The following TMEM201 variants were observed in gnomAD, a reference collection of about 807,000 sequenced individuals.
The protein encoded by TMEM201 is transmembrane protein 201.
In TMEM201, 26 loss-of-function variants were observed where a neutral mutation model predicts 63.4. The observed-to-expected ratio is 0.41, with a 90% CI of 0.30 to 0.57. The LOEUF is 0.57. Ranked by LOEUF, TMEM201 falls within the 20% of genes least tolerant of loss-of-function variation. The probability of loss-of-function intolerance (pLI) is 0.29; values close to 1 mark genes in which losing one functional copy is unlikely to be tolerated. For missense variants in TMEM201, 794 were observed against 917.7 expected, an observed-to-expected ratio of 0.87 and a Z score of 1.74; for synonymous variants, 417 against 421.6, an observed-to-expected ratio of 0.99 and a Z score of 0.14.
chr1:9,599,472 C>G (rs1644093805), intron 4 of TMEM201, among the ~76,000 whole-genome samples: 5 of 152,182 alleles, frequency 3.3e-5, no homozygotes, highest in Middle Eastern at 3.4e-3. Context: ...GTCTTGAACT[C>G]TTGAACTCCT....
intron 1 of TMEM201, among the ~76,000 whole-genome samples, chr1:9,595,530 G>A (rs976607899): frequency 6.6e-6 from 1 of 152,146 alleles, no homozygotes; most frequent in Non-Finnish European, 1.5e-5. Context: ...TGTGCTCCAT[G>A]TGTGAGCCCC....
rs923717535 is a variant in TMEM201 at position 9,607,523 on chromosome 1, CTCT to C, written c.1161-29_1161-27del. 9.3e-6 allele frequency: 14 copies of C among 1,511,598 alleles called. No individual in the cohort carries two copies. The African/African-American group carries it at 1.8e-4, about 19-fold the overall frequency. 93.6% of individuals were successfully genotyped at this position (1,511,598 alleles called of 1,614,324 possible). A position where few individuals can be genotyped will look rare whatever the true frequency, so the allele number is the denominator to read the frequency against. On this transcript the variant is annotated intron_variant, in intron 6 of 10. Transcript: ENST00000340381. This position sits in a 1 kb window ranked among gnomAD's most constrained non-coding sequence, Gnocchi z 5.4. ...CTGCCTCCAGGACCTCCCGCTGACCCTCTTCTTGTCCCGTGCCTGACGGGCCCT... is the reference window on the plus strand; with the variant it reads ...CTGCCTCCAGGACCTCCCGCTGACCCTCTTGTCCCGTGCCTGACGGGCCCT...
rs1427212817 is a variant in TMEM201, at chr1:9,614,188, G to C, written c.*1105G>C. ...GCTGGTCATGTGCTGGTGCCAGTTG[G>C]GGAGGAATCAGCTGTCTCGGTGGAT... is the stretch of plus-strand genomic sequence containing the variant. On this transcript the variant is annotated 3_prime_UTR_variant, in exon 11 of 11. Coordinates refer to ENST00000340381, the MANE Select transcript of TMEM201 (RefSeq NM_001130924.3). The C allele has an allele frequency of 6.6e-6, 1 of 152,182 alleles. No individual in the cohort carries two copies. Among genetic ancestry groups the C allele is most frequent in the Non-Finnish European group, 1.5e-5 (1 of 68,092 alleles). 9.4% of individuals were successfully genotyped at this position (152,182 alleles called of 1,614,324 possible).
chr1:9,593,989 A>G (rs1485818587), intron 1 of TMEM201, among the ~76,000 whole-genome samples: 1 of 152,248 alleles, frequency 6.6e-6, no homozygotes, highest in Non-Finnish European at 1.5e-5. Flanking sequence ...GCAGGTCTCC[A>G]CATGCCCCAG....
At chr1:9,599,200 A>G (rs1644087960) in intron 4 of TMEM201, among the ~76,000 whole-genome samples, 1 of 151,396 alleles carries the variant, frequency 6.6e-6, no homozygotes, top group Non-Finnish European at 1.5e-5. Flanking sequence ...TTGGCCTCCC[A>G]AAGTGCTGGG....
chr1:9,597,939 A>G (rs1644056074), intron 3 of TMEM201, among the ~76,000 whole-genome samples: 1 of 152,222 alleles, frequency 6.6e-6, no homozygotes, highest in Non-Finnish European at 1.5e-5. Context: ...CTAAGGGCTG[A>G]GAAGGAGGGG....
At position 9,610,412 on chromosome 1, in the gene TMEM201, G is replaced by C. The variant is rs1215321660; in HGVS notation, c.1466-94G>C. On this transcript the variant is annotated intron_variant, in intron 8 of 10. Coordinates refer to ENST00000340381, the MANE Select transcript of TMEM201 (RefSeq NM_001130924.3). The surrounding 1 kb of genome is among the most constrained non-coding windows in gnomAD (Gnocchi z 4.9). ...CTCTGCACCTTTCCTGTCTTCCCGG[G>C]TTAATAGAAGAATGCCCCCAGAAAT... 7 of 1,257,438 alleles carry C rather than the reference G, an allele frequency of 5.6e-6. 1 individual carries two copies. The highest frequency in any genetic ancestry group is 3.9e-4 in the Middle Eastern group (2 of 5,150). The allele number at this position is 1,257,438 out of a possible 1,614,324, so 77.9% of individuals were successfully genotyped here.
In TMEM201 at chr1:9,607,130, G is replaced by A. The variant is rs115871177; in HGVS notation, c.1161-427G>A. Among the ~76,000 whole-genome samples the A allele has an allele frequency of 0.012, 1,770 of 152,318 alleles. 33 individuals are homozygous for A. The highest frequency in any genetic ancestry group is 0.04 in the African/African-American group (1,649 of 41,554). On this transcript the variant is annotated intron_variant, in intron 6 of 10. Transcript: ENST00000340381. This position sits in a 1 kb window ranked among gnomAD's most constrained non-coding sequence, Gnocchi z 5.4. Reference sequence around the variant, plus strand: ...AGCCAGGATGTCCCTGAGCCCGGCCGCTCTGTGGGAAGGCTCGGCACAGAA... The same window carrying A: ...AGCCAGGATGTCCCTGAGCCCGGCCACTCTGTGGGAAGGCTCGGCACAGAA...
rs371269439 is a variant in TMEM201, at chr1:9,604,148, G to A, written c.1160+1876G>A. 2.3e-5 allele frequency: 23 copies of A among 985,422 alleles called. No individual in the cohort carries two copies. The highest frequency in any genetic ancestry group is 5.2e-4 in the Middle Eastern group (1 of 1,914). 61.0% of individuals were successfully genotyped at this position (985,422 alleles called of 1,614,324 possible). Reference sequence around the variant, plus strand: ...GCTGTTGCTTGCGTCTCGAATCTTCGGTTCTCGAGGAAGTGTTGACAGTGT... The same window carrying A: ...GCTGTTGCTTGCGTCTCGAATCTTCAGTTCTCGAGGAAGTGTTGACAGTGT... On this transcript the variant is annotated intron_variant, in intron 6 of 10. Coordinates refer to ENST00000340381, the MANE Select transcript of TMEM201 (RefSeq NM_001130924.3). The surrounding 1 kb of genome is among the most constrained non-coding windows in gnomAD (Gnocchi z 4.1).
In TMEM201 at chr1:9,613,230, C is replaced by T. The variant is rs1371840493; in HGVS notation, c.*147C>T. ...CTGGACTGTGACTGTCCTCAGGACA[C>T]CTGCCCCTCCTCACCTAACGGACTG... On this transcript the variant is annotated 3_prime_UTR_variant, in exon 11 of 11. Coordinates refer to ENST00000340381, the MANE Select transcript of TMEM201 (RefSeq NM_001130924.3). The T allele has an allele frequency of 1.4e-6, 1 of 693,962 alleles. No homozygotes were observed. Among genetic ancestry groups the T allele is most frequent in the Non-Finnish European group, 2.4e-6 (1 of 409,302 alleles). 43.0% of individuals were successfully genotyped at this position (693,962 alleles called of 1,614,324 possible).
At chr1:9,593,044 G>A (rs971723691) in intron 1 of TMEM201, among the ~76,000 whole-genome samples, 1 of 152,240 alleles carries the variant, frequency 6.6e-6, no homozygotes, top group Admixed American at 6.5e-5. Flanking sequence ...TAAGGACGGA[G>A]GTTGTTGGCT....
intron 2 of TMEM201, 60 bp downstream of exon 2, chr1:9,596,070 A>C: frequency 6.3e-7 from 1 of 1,582,870 alleles, no homozygotes; most frequent in Non-Finnish European, 8.5e-7. Flanking sequence ...TGAGATTTGC[A>C]CCTTGAGACC....
intron 6 of TMEM201, chr1:9,602,754 G>A (rs372707799): frequency 4.2e-5 from 42 of 1,006,324 alleles, no homozygotes; most frequent in African/African-American, 2.4e-4. Context: ...TGCCCTGACC[G>A]TGCAGCAGAG....
chr1:9,607,824 G>T lies in TMEM201; in HGVS notation c.1393+35G>T, dbSNP rs559562886. ...GCCCAGGCATTGGCAGACAGTCAGG[G>T]CTAGGGGCAGCTGGGACAGAACTGT... On this transcript the variant is annotated intron_variant, in intron 7 of 10. Coordinates refer to ENST00000340381, the MANE Select transcript of TMEM201 (RefSeq NM_001130924.3). The surrounding 1 kb of genome is among the most constrained non-coding windows in gnomAD (Gnocchi z 5.4). The T allele has an allele frequency of 4.6e-5, 71 of 1,538,596 alleles. No individual in the cohort carries two copies. The South Asian group carries it at 7.7e-4, about 17-fold the overall frequency.
At chr1:9,611,189 T>G in intron 9 of TMEM201, 1 of 643,362 alleles carries the variant, frequency 1.6e-6, no homozygotes, top group Non-Finnish European at 2.3e-6. Context: ...CACATGAATT[T>G]GTAGATTTCC....
At chr1:9,596,826 C>T in intron 2 of TMEM201, 33 bp from the exon 3 acceptor site, 1 of 1,552,538 alleles carries the variant, frequency 6.4e-7, no homozygotes, top group Non-Finnish European at 8.8e-7. Flanking sequence ...CTGGGAGGGC[C>T]TGCCTGCCTC....
intron 4 of TMEM201, 132 bp downstream of exon 4, chr1:9,598,757 T>A (rs1321233329): frequency 1.1e-6 from 1 of 902,060 alleles, no homozygotes; most frequent in Non-Finnish European, 1.6e-6. Context: ...TTTTATTTTA[T>A]TTTATTTTTG....
chr1:9,591,399 C>T (rs1363675463), intron 1 of TMEM201, among the ~76,000 whole-genome samples: 1 of 152,222 alleles, frequency 6.6e-6, no homozygotes, highest in African/African-American at 2.4e-5. Flanking sequence ...CTCATGGAGC[C>T]CCTTGGCTGC....
rs367569456 is a variant in TMEM201, at chr1:9,609,888, G to T, written c.1442G>T (p.Arg481Leu). 2 of 1,551,352 alleles carry T rather than the reference G, an allele frequency of 1.3e-6. No individual in the cohort carries two copies. Among genetic ancestry groups the T allele is most frequent in the Non-Finnish European group, 1.7e-6 (2 of 1,146,956 alleles). Residue 481 changes from arginine (R) to leucine (L), a missense_variant, in exon 8 of 11, where the codon CGA becomes CTA. Coordinates refer to ENST00000340381, the MANE Select transcript of TMEM201 (RefSeq NM_001130924.3). ...SGSRPPSQVS[R>L]SGEFPVSDYF... ...AGCCGCCCACCATCTCAGGTGTCTC[G>T]ATCTGGGGAGTTTCCTGTTTCAGGT...
Sources: gnomAD v4.1 joint callset for allele counts (sites outside exome capture counted in the v4.1 genomes callset) on GRCh38, gnomAD v4.1.1 for gene constraint, Gnocchi (gnomAD v3.1) non-coding constraint, MANE v1.5 for transcripts, NCBI Gene and HGNC (gene_info 2026-07-23, HGNC 2026-07-21) for gene names.